The following CLIP2 variants were observed in gnomAD, a reference collection of about 807,000 sequenced individuals.
CLIP2 encodes the protein CAP-Gly domain-containing linker protein 2.
A neutral mutation model predicts 111.7 loss-of-function variants in CLIP2; 41 were observed. The ratio of observed to expected loss-of-function variants is 0.37; its 90% CI spans 0.29 to 0.48. The LOEUF (loss-of-function observed/expected upper bound fraction) is 0.48, where lower values mean the gene tolerates loss of function less well. Among genes scored for constraint, CLIP2 ranks in the 20% least tolerant of loss-of-function variants. The pLI is 0.99. For synonymous variants in CLIP2, 660 were observed against 644.2 expected (o/e 1.02, Z -0.37); for missense variants, 1,160 against 1,422.1 (o/e 0.82, Z 2.96).
intron 1 of CLIP2, among the ~76,000 whole-genome samples, chr7:74,291,111 G>A (rs1476466232): frequency 1.3e-5 from 2 of 152,202 alleles, no homozygotes; most frequent in African/African-American, 4.8e-5. Flanking sequence ...TTAGACCTGC[G>A]TTGAGCACAG....
chr7:74,333,728 C>T (rs1307263352), intron 2 of CLIP2, among the ~76,000 whole-genome samples: 1 of 152,190 alleles, frequency 6.6e-6, no homozygotes, highest in Non-Finnish European at 1.5e-5. Context: ...AGCAATCCTC[C>T]TGTCTCAGCC....
intron 2 of CLIP2, among the ~76,000 whole-genome samples, chr7:74,336,433 G>A (rs1231453759): frequency 1.3e-5 from 2 of 151,952 alleles, no homozygotes; most frequent in African/African-American, 2.4e-5. Context: ...GGCTGGGGAG[G>A]CCTCACAATC....
chr7:74,292,744 C>G (rs1243264208), intron 1 of CLIP2, among the ~76,000 whole-genome samples: 2 of 152,104 alleles, frequency 1.3e-5, no homozygotes, highest in Non-Finnish European at 2.9e-5. Context: ...ATAAGGTTGC[C>G]TACATTTTAC....
chr7:74,345,172 G>A (rs1387069251), intron 3 of CLIP2, among the ~76,000 whole-genome samples: 1 of 152,130 alleles, frequency 6.6e-6, no homozygotes, highest in Non-Finnish European at 1.5e-5. Context: ...GTTTTAATTG[G>A]GGAGCTGGAT....
chr7:74,373,939 GC>G (rs1213316779), intron 9 of CLIP2, among the ~76,000 whole-genome samples: 1 of 152,098 alleles, frequency 6.6e-6, no homozygotes, highest in Non-Finnish European at 1.5e-5. Context: ...GGGTCCTGGA[GC>G]CATGGAACAG....
intron 1 of CLIP2, among the ~76,000 whole-genome samples, chr7:74,316,789 T>C (rs1164222808): frequency 2.0e-5 from 3 of 152,204 alleles, no homozygotes; most frequent in Non-Finnish European, 4.4e-5. Context: ...CTTGAACTCC[T>C]GACCTCAAGT....
At position 74,317,603 on chromosome 7, in the gene CLIP2, C is replaced by T; in HGVS notation, c.57C>T (p.Pro19=). The T allele has an allele frequency of 6.6e-7, 1 of 1,523,402 alleles. No homozygotes were observed. The highest frequency in any genetic ancestry group is 8.9e-7 in the Non-Finnish European group (1 of 1,129,510). The allele number at this position is 1,523,402 out of a possible 1,614,324, so 94.4% of individuals were successfully genotyped here. The change falls in exon 2 of 17, where the codon CCC becomes CCT. Residue 19 remains proline (P), a synonymous_variant. Coordinates refer to ENST00000223398, the MANE Select transcript of CLIP2 (RefSeq NM_003388.5). The part of the protein sequence containing the change: ...PPGRGGKHSS[P]MGRTSTGSAS... ...GCCGTGGGGGGAAGCACTCCAGCCC[C>T]ATGGGCCGGACATCTACTGGGTCAG...
At position 74,401,508 on chromosome 7, in the gene CLIP2, ATCGGCAATT is replaced by A; in HGVS notation, c.3071_3079del (p.Ile1024_Ser1027delinsThr). 6.2e-7 allele frequency: 1 copy of A among 1,614,056 alleles called. No individual in the cohort carries two copies. The highest frequency in any genetic ancestry group is 8.5e-7 in the Non-Finnish European group (1 of 1,179,978). The stretch of plus-strand genomic sequence containing the variant: ...GTGTCTCCCCTAACTCTTCCAGACC[ATCGGCAATT>A]CCGGTTCTGCAAACGGCATCCACCA... On this transcript the variant is annotated inframe_deletion, in exon 16 of 17. Coordinates refer to ENST00000223398, the MANE Select transcript of CLIP2 (RefSeq NM_003388.5).
At chr7:74,330,074 C>T (rs946471931) in intron 2 of CLIP2, among the ~76,000 whole-genome samples, 29 of 151,470 alleles carry the variant, frequency 1.9e-4, no homozygotes, top group African/African-American at 5.3e-4. Flanking sequence ...CCACTGCATC[C>T]GGCTATTTTT....
intron 8 of CLIP2, among the ~76,000 whole-genome samples, chr7:74,368,934 C>T (rs1156835050): frequency 2.6e-5 from 4 of 152,114 alleles, no homozygotes; most frequent in Admixed American, 6.6e-5. Flanking sequence ...TAAATCAGGC[C>T]GGGTGCAGTG....
intron 1 of CLIP2, among the ~76,000 whole-genome samples, chr7:74,309,159 A>T (rs1286462910): frequency 7.2e-5 from 11 of 151,788 alleles, no homozygotes; most frequent in African/African-American, 2.7e-4. Flanking sequence ...ATAAGCCACT[A>T]TGCCCGGCCT....
intron 2 of CLIP2, among the ~76,000 whole-genome samples, chr7:74,333,174 T>A (rs1789347534): frequency 6.6e-6 from 1 of 152,116 alleles, no homozygotes; most frequent in Non-Finnish European, 1.5e-5. Context: ...ATCAACTGCA[T>A]GTAGGAGGTT....
intron 2 of CLIP2, among the ~76,000 whole-genome samples, chr7:74,327,707 C>T (rs951406525): frequency 1.3e-5 from 2 of 152,216 alleles, no homozygotes; most frequent in African/African-American, 2.4e-5. Flanking sequence ...GCCAAGCCCG[C>T]TCTTCTGTGG....
At chr7:74,394,266 T>TTTG (rs1791383360) in intron 13 of CLIP2, among the ~76,000 whole-genome samples, 2 of 149,768 alleles carry the variant, frequency 1.3e-5, no homozygotes, top group African/African-American at 2.4e-5. Context: ...TTTTTTTTTT[T>TTTG]TGAGATGGAG....
intron 1 of CLIP2, among the ~76,000 whole-genome samples, chr7:74,298,080 C>T (rs1244222014): frequency 5.9e-5 from 9 of 152,002 alleles, no homozygotes; most frequent in Admixed American, 5.3e-4. Context: ...GTGCAGTGCC[C>T]ACGCTTGCAA....
intron 1 of CLIP2, among the ~76,000 whole-genome samples, chr7:74,305,863 CCACCGCCCCT>C (rs1788471531): frequency 3.5e-5 from 4 of 113,214 alleles, no homozygotes; most frequent in African/African-American, 1.8e-4. Context: ...CAACCCCCCC[CCACCGCCCCT>C]GCTGCCAGTT....
At chr7:74,304,634 C>T (rs1788426703) in intron 1 of CLIP2, among the ~76,000 whole-genome samples, 1 of 150,574 alleles carries the variant, frequency 6.6e-6, no homozygotes, top group Admixed American at 6.6e-5. Flanking sequence ...CATGTGCACC[C>T]CATAGGGCTA....
intron 8 of CLIP2, among the ~76,000 whole-genome samples, chr7:74,371,089 CAA>C (rs1790602477): frequency 6.6e-6 from 1 of 151,924 alleles, no homozygotes; most frequent in South Asian, 2.1e-4. Flanking sequence ...CTCAAAAATA[CAA>C]AAGTTAGCTG....
At chr7:74,331,205 C>CAAAAAAA (rs58844348) in intron 2 of CLIP2, among the ~76,000 whole-genome samples, 2 of 59,942 alleles carry the variant, frequency 3.3e-5, no homozygotes, top group African/African-American at 1.5e-4. Flanking sequence ...GACTCCATCT[C>CAAAAAAA]AAAAAAAAAA....
Sources: gnomAD v4.1 joint callset for allele counts (sites outside exome capture counted in the v4.1 genomes callset) on GRCh38, gnomAD v4.1.1 for gene constraint, MANE v1.5 for transcripts, NCBI Gene and HGNC (gene_info 2026-07-23, HGNC 2026-07-21) for gene names.